KCNJ1: variants seen among roughly 807,000 people sequenced by gnomAD.
KCNJ1 encodes ATP-sensitive inward rectifier potassium channel 1.
KCNJ1 carries 24 observed loss-of-function variants against 21.9 expected under a neutral mutation model. The observed-to-expected ratio is 1.10, with a 90% CI of 0.79 to 1.54. KCNJ1 has a LOEUF of 1.54. Ranked by LOEUF, KCNJ1 falls within the 40% of genes most tolerant of loss-of-function variation. The probability of loss-of-function intolerance (pLI) is 0.00; values close to 1 mark genes in which losing one functional copy is unlikely to be tolerated. For missense variants in KCNJ1, 457 were observed against 455.4 expected, an observed-to-expected ratio of 1.00 and a Z score of -0.03; for synonymous variants, 152 against 160.9, an observed-to-expected ratio of 0.94 and a Z score of 0.42.
In KCNJ1 at chr11:128,839,253, C is replaced by T. The variant is rs1290276014; in HGVS notation, c.991G>A (p.Val331Met). ...CACATGGCACAGTGAGGGGTCTCCA[C>T]TTCCACTGTCTTGCTAAAGTTATGG... ...DFHNFSKTVE[V>M]ETPHCAMCLY... is the part of the protein sequence containing the mutation. Residue 331 changes from valine (V) to methionine (M), a missense_variant, in exon 3 of 3, where the codon GTG (valine) becomes ATG (methionine). Transcript: ENST00000392666. 2 of 1,614,092 alleles carry T rather than the reference C, an allele frequency of 1.2e-6. No homozygotes were observed. The highest frequency in any genetic ancestry group is 1.7e-5 in the Admixed American group (1 of 59,998).
At position 128,842,947 on chromosome 11, in the gene KCNJ1, GA is replaced by G. The variant is rs1943312862; in HGVS notation, c.-21-2684del. ...GACAAAAGTAAGATCACACCAGGAA[GA>G]AACAAGATACCATGTTAATCTCTCC... On this transcript the variant is annotated intron_variant, in intron 2 of 2. Transcript: ENST00000392666. 2.0e-5 allele frequency among the ~76,000 whole-genome samples: 3 copies of G among 152,318 alleles called. No homozygotes were observed. In the South Asian group the frequency reaches 6.2e-4, roughly 32 times the overall value.
chr11:128,860,037 C>A (rs963500535), intron 1 of KCNJ1, among the ~76,000 whole-genome samples: 3 of 132,136 alleles, frequency 2.3e-5, no homozygotes, highest in African/African-American at 5.8e-5. Flanking sequence ...CCCCCTGGCG[C>A]CTGCCGAGGG....
intron 1 of KCNJ1, among the ~76,000 whole-genome samples, chr11:128,858,205 G>C (rs569049612): frequency 5.9e-5 from 9 of 151,682 alleles, no homozygotes; most frequent in African/African-American, 2.2e-4. Flanking sequence ...GAAGGGATGC[G>C]GAGGCAAAGA....
chr11:128,842,759 G>A (rs565984771), intron 2 of KCNJ1, among the ~76,000 whole-genome samples: 6 of 152,222 alleles, frequency 3.9e-5, no homozygotes, highest in Non-Finnish European at 7.4e-5. Context: ...ACGCTCTATC[G>A]CTCACTTGTT....
chr11:128,858,992 A>C (rs11601659), intron 1 of KCNJ1, among the ~76,000 whole-genome samples: 9,092 of 152,280 alleles, frequency 0.06, 359 homozygotes, highest in Admixed American at 0.09. Flanking sequence ...ATGTGATTGA[A>C]GGCACATAAG....
intron 2 of KCNJ1, among the ~76,000 whole-genome samples, chr11:128,847,017 T>G (rs534006902): frequency 1.3e-5 from 2 of 152,310 alleles, no homozygotes; most frequent in African/African-American, 4.8e-5. Flanking sequence ...CCCATCCTGA[T>G]GAGTGTCTGC....
chr11:128,866,375 A>T (rs1943816004), intron 1 of KCNJ1: 1 of 161,276 alleles, frequency 6.2e-6, no homozygotes. Context: ...CACAATCACT[A>T]TGTTTTGCTC....
At chr11:128,866,737 T>C (rs1943822344) in intron 1 of KCNJ1, 1 of 153,664 alleles carries the variant, frequency 6.5e-6, no homozygotes, top group Non-Finnish European at 1.4e-5. Context: ...CTGATATATG[T>C]TTTCCATAAT....
chr11:128,843,234 T>C (rs1943320539), intron 2 of KCNJ1, among the ~76,000 whole-genome samples: 1 of 152,208 alleles, frequency 6.6e-6, no homozygotes. Context: ...GATAATGGCA[T>C]TTAATCTAAC....
At chr11:128,858,753 G>T (rs1034518785) in intron 1 of KCNJ1, among the ~76,000 whole-genome samples, 2 of 152,222 alleles carry the variant, frequency 1.3e-5, no homozygotes, top group Admixed American at 6.5e-5. Context: ...TCTAAAGGAG[G>T]AGATCAAACA....
chr11:128,850,411 G>A (rs1298211603), intron 2 of KCNJ1, among the ~76,000 whole-genome samples: 45 of 152,168 alleles, frequency 3.0e-4, no homozygotes, highest in Admixed American at 2.9e-3. Flanking sequence ...CATGTCCCCA[G>A]TCCCTGCCTA....
At chr11:128,849,709 T>A (rs1171499219) in intron 2 of KCNJ1, among the ~76,000 whole-genome samples, 3 of 142,352 alleles carry the variant, frequency 2.1e-5, no homozygotes, top group African/African-American at 7.4e-5. Flanking sequence ...AGCATCATAC[T>A]TTTTTTTGGA....
chr11:128,860,240 A>T (rs1943679234), intron 1 of KCNJ1, among the ~76,000 whole-genome samples: 1 of 152,232 alleles, frequency 6.6e-6, no homozygotes, highest in Non-Finnish European at 1.5e-5. Flanking sequence ...GAGCGACACT[A>T]TAGAAACATG....
Position 128,840,065 on chromosome 11 carries a change from T to A in KCNJ1, c.179A>T (p.Tyr60Phe). Residue 60 changes from tyrosine to phenylalanine, a missense_variant, in exon 3 of 3, where the codon TAC (tyrosine) becomes TTC (phenylalanine). Coordinates refer to ENST00000392666, the MANE Select transcript of KCNJ1 (RefSeq NM_153766.3). ...GGCTGTGATGAAAATGGTCATTTTG[T>A]ATCTCCACTTGAGGTCAAGTACCGT... ...WTTVLDLKWR[Y>F]KMTIFITAFL... The A allele has an allele frequency of 6.2e-7, 1 of 1,614,232 alleles. No individual in the cohort carries two copies. Among genetic ancestry groups the A allele is most frequent in the Non-Finnish European group, 8.5e-7 (1 of 1,180,032 alleles).
intron 1 of KCNJ1, among the ~76,000 whole-genome samples, chr11:128,856,868 G>A (rs566571989): frequency 1.2e-4 from 19 of 152,062 alleles, no homozygotes; most frequent in Non-Finnish European, 2.4e-4. Context: ...TACAAAACTC[G>A]CCTGCTCCTT....
intron 2 of KCNJ1, among the ~76,000 whole-genome samples, chr11:128,847,207 C>T (rs773305107): frequency 1.8e-4 from 28 of 152,204 alleles, no homozygotes; most frequent in Non-Finnish European, 2.5e-4. Flanking sequence ...AGATCCTATG[C>T]AAGTCCTTTC....
intron 1 of KCNJ1, among the ~76,000 whole-genome samples, chr11:128,854,079 G>A (rs1943534547): frequency 8.1e-6 from 1 of 123,776 alleles, no homozygotes; most frequent in Admixed American, 1.1e-4. Context: ...GGGCTCTGCA[G>A]GTCTGAGAAC....
At chr11:128,855,288 T>C (rs1397281278) in intron 1 of KCNJ1, among the ~76,000 whole-genome samples, 1 of 152,200 alleles carries the variant, frequency 6.6e-6, no homozygotes, top group Non-Finnish European at 1.5e-5. Context: ...TTTATTCTTT[T>C]TCCCCAACAT....
At chr11:128,849,438 G>C (rs1943443711) in intron 2 of KCNJ1, among the ~76,000 whole-genome samples, 1 of 152,192 alleles carries the variant, frequency 6.6e-6, no homozygotes, top group African/African-American at 2.4e-5. Flanking sequence ...TTTTTAGATA[G>C]TGAGCATAAA....
Sources: gnomAD v4.1 joint callset for allele counts (sites outside exome capture counted in the v4.1 genomes callset) on GRCh38, gnomAD v4.1.1 for gene constraint, MANE v1.5 for transcripts, NCBI Gene and HGNC (gene_info 2026-07-23, HGNC 2026-07-21) for gene names.